ADAMTS18: variants seen among roughly 807,000 people sequenced by gnomAD.
ADAMTS18 encodes ADAM metallopeptidase with thrombospondin type 1 motif 18.
In ADAMTS18, 157 loss-of-function variants were observed where a neutral mutation model predicts 165.9. The ratio of observed to expected loss-of-function variants is 0.95; its 90% CI spans 0.83 to 1.08. The LOEUF is 1.08. ADAMTS18 is among the 50% of genes least tolerant of loss of function. The probability of loss-of-function intolerance (pLI) is 0.00; values close to 1 mark genes in which losing one functional copy is unlikely to be tolerated. For synonymous variants in ADAMTS18, 782 were observed against 578.2 expected, an observed-to-expected ratio of 1.35 and a Z score of -5.06; for missense variants, 2,040 against 1,534.0, an observed-to-expected ratio of 1.33 and a Z score of -5.51.
At chr16:77,390,689 CAAAAAAAAAGAAAA>C (rs1430799933) in intron 3 of ADAMTS18, among the ~76,000 whole-genome samples, 1 of 142,466 alleles carries the variant, frequency 7.0e-6, no homozygotes, top group East Asian at 2.1e-4. Context: ...GACTCCATCT[CAAAAAAAAAGAAAA>C]AAAAAAAAAG....
At chr16:77,313,886 T>C (rs1254208775) in intron 16 of ADAMTS18, among the ~76,000 whole-genome samples, 1 of 152,230 alleles carries the variant, frequency 6.6e-6, no homozygotes, top group Admixed American at 6.5e-5. Context: ...TAACACAATG[T>C]ATCTAAAAAA....
At chr16:77,419,734 C>T (rs368164544) in intron 3 of ADAMTS18, among the ~76,000 whole-genome samples, 4 of 151,994 alleles carry the variant, frequency 2.6e-5, no homozygotes, top group Non-Finnish European at 4.4e-5. Flanking sequence ...TCGCCAGGTG[C>T]GGTGACTCAT....
chr16:77,372,192 A>T (rs2056886099), intron 3 of ADAMTS18, among the ~76,000 whole-genome samples: 1 of 152,202 alleles, frequency 6.6e-6, no homozygotes, highest in Non-Finnish European at 1.5e-5. Flanking sequence ...TATAGCCATT[A>T]TGGAAAATGG....
chr16:77,342,612 G>T (rs1431859738), intron 10 of ADAMTS18, among the ~76,000 whole-genome samples: 2 of 152,136 alleles, frequency 1.3e-5, no homozygotes, highest in Non-Finnish European at 2.9e-5. Context: ...CTCTATTGCA[G>T]TTTTCAAATA....
At chr16:77,415,641 G>C (rs945038961) in intron 3 of ADAMTS18, among the ~76,000 whole-genome samples, 1 of 150,628 alleles carries the variant, frequency 6.6e-6, no homozygotes, top group African/African-American at 2.4e-5. Flanking sequence ...AGACTGCATG[G>C]ACTTGAGGAA....
At chr16:77,342,263 T>C (rs1427111583) in intron 10 of ADAMTS18, among the ~76,000 whole-genome samples, 1 of 152,234 alleles carries the variant, frequency 6.6e-6, no homozygotes, top group Admixed American at 6.5e-5. Context: ...AGCACTTGAC[T>C]CTATAGACTT....
At chr16:77,301,312 C>CA (rs2055578458) in intron 16 of ADAMTS18, among the ~76,000 whole-genome samples, 1 of 151,324 alleles carries the variant, frequency 6.6e-6, no homozygotes. Flanking sequence ...AGAACTTGTG[C>CA]AAGATCACAC....
At chr16:77,364,469 A>G (rs2144737532) in intron 4 of ADAMTS18, 88 bp from the exon 5 acceptor site, 1 of 1,425,922 alleles carries the variant, frequency 7.0e-7, no homozygotes, top group Non-Finnish European at 9.6e-7. Flanking sequence ...AGGGAAGAAG[A>G]GAAACTATGT....
chr16:77,367,724 C>T lies in ADAMTS18; in HGVS notation c.496-1G>A. The T allele has an allele frequency of 6.2e-7, 1 of 1,614,216 alleles. No homozygotes were observed. The highest frequency in any genetic ancestry group is 8.5e-7 in the Non-Finnish European group (1 of 1,180,038). ...TTTTTCGTGTCCTTATTAAACCTGA[C>T]TAAAAAGCCAAACACAAAGCAAACA... On this transcript the variant is annotated splice_acceptor_variant, in intron 3 of 22. Coordinates refer to ENST00000282849, the MANE Select transcript of ADAMTS18 (RefSeq NM_199355.4). LOFTEE classifies it high-confidence loss of function.
At chr16:77,425,457 T>G (rs1041084262) in intron 3 of ADAMTS18, among the ~76,000 whole-genome samples, 1 of 152,192 alleles carries the variant, frequency 6.6e-6, no homozygotes, top group Admixed American at 6.5e-5. Flanking sequence ...AGTCCACTAC[T>G]CTTGCCAGCT....
At chr16:77,348,712 C>A (rs924252272) in intron 10 of ADAMTS18, among the ~76,000 whole-genome samples, 1 of 152,104 alleles carries the variant, frequency 6.6e-6, no homozygotes, top group Non-Finnish European at 1.5e-5. Flanking sequence ...CTAGGCATGG[C>A]AGATACTCTC....
intron 10 of ADAMTS18, among the ~76,000 whole-genome samples, chr16:77,348,997 A>T (rs1049131265): frequency 6.6e-6 from 1 of 151,910 alleles, no homozygotes; most frequent in South Asian, 2.1e-4. Context: ...GATCAACATC[A>T]CTGGAGCGTA....
At chr16:77,311,379 G>C (rs1231336644) in intron 16 of ADAMTS18, among the ~76,000 whole-genome samples, 2 of 152,126 alleles carry the variant, frequency 1.3e-5, no homozygotes, top group Admixed American at 6.5e-5. Flanking sequence ...GGCTCCAAAA[G>C]TATTCATTTT....
In ADAMTS18 at chr16:77,289,350, C is replaced by A; in HGVS notation, c.3464G>T (p.Arg1155Leu). ...TRSVHCVQQG[R>L]PSSSCLLHQK... is the part of the protein sequence containing the mutation. ...ATGGAGCAGACAACTTGAGGAAGGC[C>A]GGCCTTGCTGAACACAGTGGACTGA... The change falls in exon 22 of 23, where the codon CGG becomes CTG. Residue 1155 changes from arginine (R) to leucine (L), a missense_variant. Coordinates refer to ENST00000282849, the MANE Select transcript of ADAMTS18 (RefSeq NM_199355.4). The A allele has an allele frequency of 6.2e-7, 1 of 1,614,082 alleles. No homozygotes were observed. Among genetic ancestry groups the A allele is most frequent in the Non-Finnish European group, 8.5e-7 (1 of 1,180,000 alleles).
intron 3 of ADAMTS18, among the ~76,000 whole-genome samples, chr16:77,413,617 T>A (rs1167835035): frequency 3.3e-5 from 5 of 152,166 alleles, no homozygotes; most frequent in Non-Finnish European, 7.3e-5. Flanking sequence ...GGACATTGGG[T>A]TTTAATTTCC....
chr16:77,406,664 G>C (rs1199343063), intron 3 of ADAMTS18, among the ~76,000 whole-genome samples: 3 of 152,032 alleles, frequency 2.0e-5, no homozygotes, highest in Admixed American at 6.6e-5. Flanking sequence ...GCACTCATAT[G>C]TTCATCACGG....
intron 9 of ADAMTS18, among the ~76,000 whole-genome samples, chr16:77,355,458 C>T (rs529103609): frequency 6.6e-6 from 1 of 152,176 alleles, no homozygotes; most frequent in East Asian, 1.9e-4. Context: ...CACACTCATA[C>T]CATTTGAGCA....
intron 16 of ADAMTS18, among the ~76,000 whole-genome samples, chr16:77,305,176 A>T (rs1224322444): frequency 2.0e-5 from 3 of 152,206 alleles, no homozygotes; most frequent in Non-Finnish European, 4.4e-5. Context: ...TTTGCTTCTC[A>T]ATAAGTAAGA....
intron 3 of ADAMTS18, among the ~76,000 whole-genome samples, chr16:77,404,550 G>C (rs1019905180): frequency 1.3e-5 from 2 of 152,152 alleles, no homozygotes; most frequent in Admixed American, 6.5e-5. Context: ...ATCAACACTG[G>C]AAATAAGAGC....
Sources: allele counts gnomAD v4.1 joint callset (sites outside exome capture counted in the v4.1 genomes callset), GRCh38; gene constraint gnomAD v4.1.1; transcripts MANE v1.5; gene names NCBI Gene and HGNC (gene_info 2026-07-23, HGNC 2026-07-21).